NAV3: variants seen among roughly 807,000 people sequenced by gnomAD.
The protein encoded by NAV3 is pore membrane and/or filament interacting like protein 1.
In NAV3, 87 loss-of-function variants were observed where a neutral mutation model predicts 244.7. The observed-to-expected ratio is 0.36, with a 90% CI of 0.30 to 0.42. NAV3 has a LOEUF of 0.42. Among genes scored for constraint, NAV3 ranks in the 20% least tolerant of loss-of-function variants. The probability of loss-of-function intolerance (pLI) is 1.00; values close to 1 mark genes in which losing one functional copy is unlikely to be tolerated. For synonymous variants in NAV3, 1,126 were observed against 1,042.2 expected, an observed-to-expected ratio of 1.08 and a Z score of -1.55; for missense variants, 2,663 against 2,893.3, an observed-to-expected ratio of 0.92 and a Z score of 1.83.
chr12:78,045,724 A>G (rs546441680), intron 9 of NAV3, among the ~76,000 whole-genome samples: 3 of 152,288 alleles, frequency 2.0e-5, no homozygotes, highest in East Asian at 3.9e-4. Flanking sequence ...ACGTTTTGGT[A>G]TCAGGATGAT....
At chr12:78,095,045 T>TTATATATATATATATATA (rs368659738) in intron 12 of NAV3, among the ~76,000 whole-genome samples, 50 of 123,848 alleles carry the variant, frequency 4.0e-4, no homozygotes, top group African/African-American at 1.3e-3. Context: ...CCATATCAAA[T>TTATATATATATATATATA]TATATATATA....
intron 2 of NAV3, among the ~76,000 whole-genome samples, chr12:77,593,248 G>C (rs574858521): frequency 1.4e-4 from 18 of 131,302 alleles, no homozygotes; most frequent in African/African-American, 5.2e-4. Context: ...TAATTCTATG[G>C]TATATATATG....
chr12:77,744,834 T>C (rs1180935562), intron 2 of NAV3, among the ~76,000 whole-genome samples: 2 of 152,048 alleles, frequency 1.3e-5, no homozygotes, highest in East Asian at 3.9e-4. Flanking sequence ...GTCATAAAAC[T>C]AATAACAATA....
chr12:77,950,321 T>C lies in NAV3; in HGVS notation c.414+9188T>C, dbSNP rs181824215. Reference sequence around the variant, plus strand: ...TTCACATCCTCACTAGCATTTGGTGTTGTCAATGTTCTGGATTTTGGCCGT... The same window carrying C: ...TTCACATCCTCACTAGCATTTGGTGCTGTCAATGTTCTGGATTTTGGCCGT... On this transcript the variant is annotated intron_variant, in intron 3 of 39. Coordinates refer to ENST00000397909, the MANE Select transcript of NAV3 (RefSeq NM_001024383.2). 1.1e-3 allele frequency among the ~76,000 whole-genome samples: 167 copies of C among 152,244 alleles called. 1 individual carries two copies. The highest frequency in any genetic ancestry group is 2.4e-4 in the Non-Finnish European group (16 of 67,996).
At chr12:77,785,890 G>C (rs1239076750) in intron 2 of NAV3, among the ~76,000 whole-genome samples, 1 of 152,092 alleles carries the variant, frequency 6.6e-6, no homozygotes, top group Non-Finnish European at 1.5e-5. Context: ...TTTACTTCTT[G>C]TTACAAATTT....
At chr12:78,171,479 T>C (rs1453130677) in intron 24 of NAV3, among the ~76,000 whole-genome samples, 5 of 151,612 alleles carry the variant, frequency 3.3e-5, no homozygotes, top group Non-Finnish European at 5.9e-5. Flanking sequence ...AAAATAACAG[T>C]TAATATCTAA....
intron 2 of NAV3, among the ~76,000 whole-genome samples, chr12:77,706,779 G>A (rs1040665044): frequency 2.0e-5 from 3 of 148,984 alleles, no homozygotes; most frequent in Admixed American, 2.0e-4. Flanking sequence ...GCTGAGGCAG[G>A]AGAATGGCAT....
At chr12:78,196,139 C>A (rs1959171596) in intron 34 of NAV3, among the ~76,000 whole-genome samples, 1 of 151,990 alleles carries the variant, frequency 6.6e-6, no homozygotes, top group African/African-American at 2.4e-5. Context: ...AAATAGAATT[C>A]TCCAGAATAT....
At chr12:77,767,535 T>A (rs1869838843) in intron 2 of NAV3, among the ~76,000 whole-genome samples, 1 of 152,038 alleles carries the variant, frequency 6.6e-6, no homozygotes, top group Non-Finnish European at 1.5e-5. Flanking sequence ...TGTGAGTAGG[T>A]GAGTGTGGGG....
intron 22 of NAV3, among the ~76,000 whole-genome samples, chr12:78,150,577 T>C (rs1230910838): frequency 6.6e-6 from 1 of 151,574 alleles, no homozygotes; most frequent in Non-Finnish European, 1.5e-5. Context: ...TTCAACATTT[T>C]TCTATTATAT....
At chr12:77,907,810 CAT>C (rs1484190603) in intron 1 of NAV3, among the ~76,000 whole-genome samples, 1 of 152,080 alleles carries the variant, frequency 6.6e-6, no homozygotes, top group Admixed American at 6.6e-5. Flanking sequence ...ATATTCCACA[CAT>C]ATGTGATACT....
chr12:77,780,490 A>C (rs1870609515), intron 2 of NAV3, among the ~76,000 whole-genome samples: 1 of 152,224 alleles, frequency 6.6e-6, no homozygotes, highest in Non-Finnish European at 1.5e-5. Context: ...ATTATACAAC[A>C]GAATAGATTG....
chr12:77,915,853 C>T (rs1194642461), intron 1 of NAV3, among the ~76,000 whole-genome samples: 3 of 152,016 alleles, frequency 2.0e-5, no homozygotes, highest in Non-Finnish European at 2.9e-5. Flanking sequence ...GACCTAGACC[C>T]TGTCCCCACC....
At chr12:77,833,301 G>C (rs1454677820) in intron 1 of NAV3, among the ~76,000 whole-genome samples, 1 of 145,228 alleles carries the variant, frequency 6.9e-6, no homozygotes, top group East Asian at 2.0e-4. Context: ...GAATTAAATA[G>C]TAGTTGGATG....
At chr12:77,655,234 G>A (rs1268839211) in intron 2 of NAV3, among the ~76,000 whole-genome samples, 1 of 152,096 alleles carries the variant, frequency 6.6e-6, no homozygotes, top group East Asian at 1.9e-4. Flanking sequence ...TGTATAACTA[G>A]AATAACCAAT....
chr12:77,869,666 C>T (rs1156864724), intron 1 of NAV3, among the ~76,000 whole-genome samples: 1 of 152,182 alleles, frequency 6.6e-6, no homozygotes, highest in Non-Finnish European at 1.5e-5. Context: ...GTCCCCACCC[C>T]CAATTCTAGA....
chr12:77,775,576 A>G (rs1005193263), intron 2 of NAV3, among the ~76,000 whole-genome samples: 1 of 152,164 alleles, frequency 6.6e-6, no homozygotes, highest in Non-Finnish European at 1.5e-5. Flanking sequence ...AAATCTTATA[A>G]TAGCCTGTTA....
chr12:77,679,396 G>C (rs1267569490), intron 2 of NAV3, among the ~76,000 whole-genome samples: 1 of 152,130 alleles, frequency 6.6e-6, no homozygotes, highest in Non-Finnish European at 1.5e-5. Flanking sequence ...TGAATGGGTA[G>C]AGTTTGATGC....
At chr12:77,881,488 G>C (rs919594318) in intron 1 of NAV3, among the ~76,000 whole-genome samples, 2 of 152,018 alleles carry the variant, frequency 1.3e-5, no homozygotes, top group African/African-American at 4.8e-5. Flanking sequence ...ATTATACTTG[G>C]TTAAAAAGCT....
Sources: allele counts gnomAD v4.1 joint callset (sites outside exome capture counted in the v4.1 genomes callset), GRCh38; gene constraint gnomAD v4.1.1; transcripts MANE v1.5; gene names NCBI Gene and HGNC (gene_info 2026-07-23, HGNC 2026-07-21).